Variants in MICU1 observed in about 807,000 individuals in gnomAD.
MICU1 encodes calcium uptake protein 1, mitochondrial.
In MICU1, 45 loss-of-function variants were observed where a neutral mutation model predicts 56.8. The ratio of observed to expected loss-of-function variants is 0.79; its 90% CI spans 0.62 to 1.02. The LOEUF (loss-of-function observed/expected upper bound fraction) is 1.02, where lower values mean the gene tolerates loss of function less well. Among genes scored for constraint, MICU1 ranks in the 50% least tolerant of loss-of-function variants. The pLI is 0.00. For missense variants in MICU1, 504 were observed against 587.1 expected, an observed-to-expected ratio of 0.86 and a Z score of 1.46; for synonymous variants, 186 against 195.1, an observed-to-expected ratio of 0.95 and a Z score of 0.39.
chr10:72,569,003 C>T (rs559739940), intron 1 of MICU1, among the ~76,000 whole-genome samples: 30 of 150,584 alleles, frequency 2.0e-4, no homozygotes, highest in African/African-American at 6.6e-4. Context: ...ATCCATCCGC[C>T]TCGGCCTCCC....
chr10:72,372,187 C>T (rs779079401), intron 11 of MICU1, among the ~76,000 whole-genome samples: 2 of 151,710 alleles, frequency 1.3e-5, no homozygotes, highest in Non-Finnish European at 2.9e-5. Context: ...TGGGCAACAT[C>T]GCAAGACTCT....
intron 1 of MICU1, among the ~76,000 whole-genome samples, chr10:72,592,787 T>C (rs544087000): frequency 5.9e-4 from 89 of 151,314 alleles, no homozygotes; most frequent in Non-Finnish European, 1.1e-3. Context: ...TTCTTTCTTT[T>C]TTTTTTTTTT....
At chr10:72,502,628 G>A (rs926416962) in intron 6 of MICU1, among the ~76,000 whole-genome samples, 9 of 152,274 alleles carry the variant, frequency 5.9e-5, no homozygotes, top group African/African-American at 2.2e-4. Context: ...CCACTCCCTG[G>A]CAAAGATTTT....
chr10:72,605,351 C>T (rs975104994), intron 1 of MICU1, among the ~76,000 whole-genome samples: 3 of 152,192 alleles, frequency 2.0e-5, no homozygotes, highest in Admixed American at 2.0e-4. Flanking sequence ...CTAGAAAACT[C>T]ATAAATAATC....
intron 3 of MICU1, among the ~76,000 whole-genome samples, chr10:72,559,121 A>G (rs956892551): frequency 2.6e-5 from 4 of 152,054 alleles, no homozygotes; most frequent in Admixed American, 6.6e-5. Flanking sequence ...CTGTGAGTGC[A>G]AGGCTGCAGT....
chr10:72,513,084 G>C (rs562164429), intron 5 of MICU1, among the ~76,000 whole-genome samples: 33 of 152,162 alleles, frequency 2.2e-4, no homozygotes, highest in African/African-American at 7.9e-4. Context: ...GATCTGGGCT[G>C]CATCCTTGAT....
Position 72,517,669 on chromosome 10 carries a change from T to C in MICU1, c.538-9400A>G, listed in dbSNP as rs561864245. Among the ~76,000 whole-genome samples, 4 of 152,102 alleles carry C rather than the reference T, an allele frequency of 2.6e-5. No individual in the cohort carries two copies. The East Asian group carries it at 7.7e-4, about 29-fold the overall frequency. ...GAGGGATAAAAGTCTACAAATTGGG[T>C]TCAGTGTACACTGCTCGGTGATGGG... is the stretch of plus-strand genomic sequence containing the variant. On this transcript the variant is annotated intron_variant, in intron 5 of 11. Transcript: ENST00000361114.
intron 8 of MICU1, among the ~76,000 whole-genome samples, chr10:72,437,117 G>T (rs976576946): frequency 2.3e-4 from 35 of 152,150 alleles, no homozygotes; most frequent in African/African-American, 8.4e-4. Flanking sequence ...AGGTTAAAAT[G>T]AAGGAAAAAG....
intron 1 of MICU1, among the ~76,000 whole-genome samples, chr10:72,593,947 G>C (rs766276370): frequency 4.6e-5 from 7 of 152,208 alleles, no homozygotes; most frequent in Non-Finnish European, 7.3e-5. Context: ...ACTAGTCAAA[G>C]TGATCTACAG....
At chr10:72,420,329 G>A (rs1003410342) in intron 9 of MICU1, among the ~76,000 whole-genome samples, 4 of 152,188 alleles carry the variant, frequency 2.6e-5, no homozygotes, top group Non-Finnish European at 5.9e-5. Flanking sequence ...CCAAAGTGCT[G>A]GGATTACAGG....
chr10:72,551,119 G>C, intron 4 of MICU1, 60 bp downstream of exon 4: 1 of 1,472,220 alleles, frequency 6.8e-7, no homozygotes, highest in Admixed American at 2.3e-5. Flanking sequence ...TGTAGAAAGA[G>C]ACAAAGTAGC....
rs985184218 is a variant in MICU1, at chr10:72,447,946, A to G, written c.934-24575T>C. Among the ~76,000 whole-genome samples, 4 of 152,002 alleles carry G rather than the reference A, an allele frequency of 2.6e-5. No individual in the cohort carries two copies. In the East Asian group the frequency reaches 5.8e-4, roughly 22 times the overall value. ...GGACACCATCTGTAAAATTAGTAAC[A>G]CATTATTCTTCAGTCTCCAGAGCTC... On this transcript the variant is annotated intron_variant, in intron 8 of 11. Coordinates refer to ENST00000361114, the MANE Select transcript of MICU1 (RefSeq NM_001195518.2).
At chr10:72,446,533 GGGCTA>G (rs1469986697) in intron 8 of MICU1, among the ~76,000 whole-genome samples, 1 of 151,900 alleles carries the variant, frequency 6.6e-6, no homozygotes, top group Non-Finnish European at 1.5e-5. Context: ...TTCACCTTTT[GGGCTA>G]GGCTGCTCTC....
intron 4 of MICU1, among the ~76,000 whole-genome samples, chr10:72,549,984 A>G (rs1036072756): frequency 3.3e-5 from 5 of 151,850 alleles, no homozygotes; most frequent in African/African-American, 1.2e-4. Context: ...TATACCATAT[A>G]CAGTCATGTG....
intron 4 of MICU1, among the ~76,000 whole-genome samples, chr10:72,546,842 C>G (rs1839905003): frequency 6.6e-6 from 1 of 152,056 alleles, no homozygotes; most frequent in Non-Finnish European, 1.5e-5. Flanking sequence ...CCCTCCACCT[C>G]AGCCTCCCAA....
At chr10:72,406,887 A>T (rs1353360105) in intron 10 of MICU1, among the ~76,000 whole-genome samples, 1 of 152,166 alleles carries the variant, frequency 6.6e-6, no homozygotes, top group Non-Finnish European at 1.5e-5. Flanking sequence ...TCAGCCTCCC[A>T]AAGTGTTCGG....
chr10:72,489,810 C>T (rs1384611019), intron 6 of MICU1, among the ~76,000 whole-genome samples: 1 of 152,054 alleles, frequency 6.6e-6, no homozygotes, highest in Admixed American at 6.6e-5. Context: ...GCCATGACCA[C>T]AATCAACACA....
At chr10:72,377,599 TC>T (rs745847392) in intron 10 of MICU1, among the ~76,000 whole-genome samples, 9 of 152,180 alleles carry the variant, frequency 5.9e-5, no homozygotes, top group Non-Finnish European at 1.2e-4. Context: ...CGAGGCAATT[TC>T]CACTGCCTTC....
intron 8 of MICU1, among the ~76,000 whole-genome samples, chr10:72,466,436 C>G (rs564903587): frequency 6.6e-6 from 1 of 152,294 alleles, no homozygotes; most frequent in South Asian, 2.1e-4. Flanking sequence ...GACTACTGTA[C>G]TCTTTAACAA....
Sources: allele counts gnomAD v4.1 joint callset (sites outside exome capture counted in the v4.1 genomes callset), GRCh38; gene constraint gnomAD v4.1.1; transcripts MANE v1.5; gene names NCBI Gene and HGNC (gene_info 2026-07-23, HGNC 2026-07-21).